The following SLC25A26 variants were observed in gnomAD, a reference collection of about 807,000 sequenced individuals.
The protein encoded by SLC25A26 is solute carrier family 25 member 26, also known as mitochondrial S-adenosylmethionine carrier protein.
A neutral mutation model predicts 37.8 loss-of-function variants in SLC25A26; 36 were observed. The observed-to-expected ratio is 0.95, with a 90% CI of 0.73 to 1.26. The LOEUF (loss-of-function observed/expected upper bound fraction) is 1.26, where lower values mean the gene tolerates loss of function less well. Ranked by LOEUF, SLC25A26 falls within the 50% of genes most tolerant of loss-of-function variation. SLC25A26 has a pLI of 0.00. For missense variants in SLC25A26, 390 were observed against 331.1 expected, an observed-to-expected ratio of 1.18 and a Z score of -1.38; for synonymous variants, 129 against 122.5, an observed-to-expected ratio of 1.05 and a Z score of -0.35.
intron 9 of SLC25A26, among the ~76,000 whole-genome samples, chr3:66,374,143 A>T (rs1310259712): frequency 1.3e-5 from 2 of 152,212 alleles, no homozygotes; most frequent in Admixed American, 6.5e-5. Flanking sequence ...CTTTCTGCTT[A>T]CAGAAGTAAT....
intron 1 of SLC25A26, among the ~76,000 whole-genome samples, chr3:66,206,425 A>G (rs2071178019): frequency 6.6e-6 from 1 of 152,104 alleles, no homozygotes; most frequent in Non-Finnish European, 1.5e-5. Context: ...AAGTACATAG[A>G]CTGTATTGTA....
At chr3:66,225,477 C>A (rs1172899961) in intron 1 of SLC25A26, among the ~76,000 whole-genome samples, 2 of 152,164 alleles carry the variant, frequency 1.3e-5, no homozygotes, top group Non-Finnish European at 2.9e-5. Context: ...GGCCCTGGAC[C>A]CAGTCCAGGA....
intron 7 of SLC25A26, among the ~76,000 whole-genome samples, chr3:66,364,160 C>T (rs2076774822): frequency 6.6e-6 from 1 of 152,034 alleles, no homozygotes; most frequent in Non-Finnish European, 1.5e-5. Flanking sequence ...AGAACATATT[C>T]TCTGGTCCTA....
At chr3:66,194,413 T>C (rs1188082051) in intron 1 of SLC25A26, among the ~76,000 whole-genome samples, 4 of 152,224 alleles carry the variant, frequency 2.6e-5, no homozygotes, top group African/African-American at 4.8e-5. Context: ...AGAACTGCAC[T>C]GAAGTACTTT....
At chr3:66,319,633 T>G (rs1174207589) in intron 5 of SLC25A26, among the ~76,000 whole-genome samples, 2 of 152,260 alleles carry the variant, frequency 1.3e-5, no homozygotes, top group African/African-American at 4.8e-5. Flanking sequence ...CCATTAGCTG[T>G]TTTTCTTTGT....
intron 1 of SLC25A26, among the ~76,000 whole-genome samples, chr3:66,187,627 T>C (rs902143744): frequency 2.6e-5 from 4 of 151,982 alleles, no homozygotes; most frequent in Non-Finnish European, 4.4e-5. Context: ...GAAACCCTCA[T>C]GCAAACCTTG....
At chr3:66,220,226 G>T (rs1326914143), upstream of SLC25A26, among the ~76,000 whole-genome samples, 1 of 152,174 alleles carries the variant, frequency 6.6e-6, no homozygotes, top group Non-Finnish European at 1.5e-5. Flanking sequence ...GGACACTAGT[G>T]TTGCTGACAT....
chr3:66,180,833 C>T (rs1415630855), intron 1 of SLC25A26, among the ~76,000 whole-genome samples: 2 of 152,098 alleles, frequency 1.3e-5, no homozygotes, highest in Admixed American at 1.3e-4. Context: ...AAGCCCTAAC[C>T]CCCAGTGTGA....
Position 66,165,767 on chromosome 3 carries a change from T to C in SLC25A26, c.-354+31783T>C, listed in dbSNP as rs190373208. On this transcript the variant is annotated intron_variant, in intron 1 of 10. Coordinates refer to the SLC25A26 transcript ENST00000676754. ...CTGAAGTAGTATATAATTTGCCTTT[T>C]CCCCCCATCAATCTTGAAAAACAAA... is the stretch of plus-strand genomic sequence containing the variant. 1.3e-3 allele frequency among the ~76,000 whole-genome samples: 193 copies of C among 152,200 alleles called. 2 individuals are homozygous for C. The highest frequency in any genetic ancestry group is 4.5e-3 in the African/African-American group (187 of 41,532).
rs190428554 is a variant in SLC25A26, at chr3:66,279,549, T to C, written c.453+16170T>C. 1.4e-3 allele frequency among the ~76,000 whole-genome samples: 206 copies of C among 152,256 alleles called. 2 individuals carry two copies. Among genetic ancestry groups the C allele is most frequent in the African/African-American group, 4.6e-3 (191 of 41,546 alleles). On this transcript the variant is annotated intron_variant, in intron 5 of 9. Transcript: ENST00000354883. ...GGAGGTGGGGTCAGGTAATTATCTT[T>C]CTCTAGTGCCTATTATTTTACAAAT...
intron 6 of SLC25A26, among the ~76,000 whole-genome samples, chr3:66,354,509 G>T (rs746180644): frequency 6.6e-6 from 1 of 152,002 alleles, no homozygotes; most frequent in Non-Finnish European, 1.5e-5. Flanking sequence ...TATTTTAAAC[G>T]TGCAGTACTA....
chr3:66,329,923 A>G (rs1351486160), intron 5 of SLC25A26, among the ~76,000 whole-genome samples: 1 of 152,176 alleles, frequency 6.6e-6, no homozygotes, highest in African/African-American at 2.4e-5. Flanking sequence ...TATGGTATTG[A>G]TCTTTATAAC....
chr3:66,363,077 GA>G, intron 7 of SLC25A26, 148 bp downstream of exon 7: 1 of 383,794 alleles, frequency 2.6e-6, no homozygotes, highest in East Asian at 3.9e-5. Context: ...ACGTGTCTTA[GA>G]GGGGAAAAAA....
At chr3:66,328,314 G>A (rs1230416662) in intron 5 of SLC25A26, among the ~76,000 whole-genome samples, 6 of 152,230 alleles carry the variant, frequency 3.9e-5, no homozygotes, top group East Asian at 3.9e-4. Flanking sequence ...TACTTTCCCC[G>A]ATAACTTGAT....
At chr3:66,349,669 A>G (rs545967568) in intron 6 of SLC25A26, among the ~76,000 whole-genome samples, 1 of 152,308 alleles carries the variant, frequency 6.6e-6, no homozygotes, top group Non-Finnish European at 1.5e-5. Context: ...GTATTTGCAT[A>G]TAGTATTGGT....
At chr3:66,358,805 A>T (rs1421917391) in intron 6 of SLC25A26, among the ~76,000 whole-genome samples, 1 of 152,234 alleles carries the variant, frequency 6.6e-6, no homozygotes, top group African/African-American at 2.4e-5. Flanking sequence ...TAAAATGACA[A>T]GATAATAAAA....
At chr3:66,331,060 CTTAT>C (rs933498495) in intron 5 of SLC25A26, among the ~76,000 whole-genome samples, 1 of 151,866 alleles carries the variant, frequency 6.6e-6, no homozygotes, top group Admixed American at 6.6e-5. Context: ...TTAAGAGAGC[CTTAT>C]TTAAAGTGCT....
chr3:66,171,748 C>T (rs1235416885), intron 1 of SLC25A26, among the ~76,000 whole-genome samples: 1 of 152,174 alleles, frequency 6.6e-6, no homozygotes, highest in Non-Finnish European at 1.5e-5. Context: ...CCTTAGCCTC[C>T]CAAAGTGCTG....
chr3:66,320,281 C>T (rs561999929), intron 5 of SLC25A26, among the ~76,000 whole-genome samples: 1 of 152,266 alleles, frequency 6.6e-6, no homozygotes, highest in South Asian at 2.1e-4. Flanking sequence ...TCACCCCAGC[C>T]CCTAGTAACT....
Sources: allele counts gnomAD v4.1 joint callset (sites outside exome capture counted in the v4.1 genomes callset), GRCh38; gene constraint gnomAD v4.1.1; transcripts MANE v1.5; gene names NCBI Gene and HGNC (gene_info 2026-07-23, HGNC 2026-07-21).